ASMT: variants seen among roughly 807,000 people sequenced by gnomAD.
ASMT encodes the protein acetylserotonin O-methyltransferase.
A neutral mutation model predicts 41.3 loss-of-function variants in ASMT; 53 were observed. The ratio of observed to expected loss-of-function variants is 1.28; its 90% CI spans 1.03 to 1.61. The LOEUF (loss-of-function observed/expected upper bound fraction) is 1.61. Ranked by LOEUF, ASMT falls within the 40% of genes most tolerant of loss-of-function variation. The pLI is 0.00. For missense variants in ASMT, 531 were observed against 441.3 expected (o/e 1.20, Z -1.82); for synonymous variants, 231 against 184.8 (o/e 1.25, Z -2.03).
At chrX:1,623,428 C>A in intron 2 of ASMT, 115 bp downstream of exon 2, 1 of 1,349,882 alleles carries the variant, frequency 7.4e-7, no homozygotes, top group Non-Finnish European at 1.0e-6. Context: ...AACCCCGTCT[C>A]TACTAAAAAA....
rs142905563 is a variant in ASMT, at chrX:1,624,374, G to A, written c.350G>A (p.Trp117Ter). 4.2e-5 allele frequency: 68 copies of A among 1,613,736 alleles called. No individual in the cohort carries two copies. In the African/African-American group the frequency reaches 7.5e-4, roughly 18 times the overall value. The change falls in exon 3 of 9, where the codon TGG becomes TAG. Residue 117 changes from tryptophan to a stop codon, truncating the protein, a stop_gained. Coordinates refer to ENST00000381241, the MANE Select transcript of ASMT (RefSeq NM_001171038.2). LOFTEE classifies it high-confidence loss of function. ...KYMGRTSYRC[W>*]GHLADAVREG... ...ATGGGCAGGACCAGCTACCGGTGCT[G>A]GGGCCACCTGGCAGACGCCGTGAGG...
chrX:1,621,639 T>C (rs1400201571), intron 1 of ASMT, among the ~76,000 whole-genome samples: 1 of 151,568 alleles, frequency 6.6e-6, no homozygotes, highest in East Asian at 2.0e-4. Context: ...TTTTTATAGT[T>C]TGTGTATTAT....
chrX:1,616,916 G>A (rs1166196571), intron 1 of ASMT, among the ~76,000 whole-genome samples: 2 of 151,894 alleles, frequency 1.3e-5, no homozygotes, highest in Non-Finnish European at 2.9e-5. Context: ...CACCGTGTTA[G>A]CCAGGATGGT....
chrX:1,625,232 G>A (rs1287938162), intron 3 of ASMT, among the ~76,000 whole-genome samples: 1 of 151,106 alleles, frequency 6.6e-6, no homozygotes, highest in Non-Finnish European at 1.5e-5. Flanking sequence ...AGCCTCCCAA[G>A]TAGCTGGGAC....
intron 1 of ASMT, among the ~76,000 whole-genome samples, chrX:1,622,353 A>T (rs1400413443): frequency 8.4e-5 from 12 of 143,544 alleles, no homozygotes; most frequent in Non-Finnish European, 1.7e-4. Context: ...TGCAGTGGTG[A>T]GATCTCGGCT....
intron 8 of ASMT, among the ~76,000 whole-genome samples, chrX:1,637,072 CCT>C (rs1200027301): frequency 9.7e-6 from 1 of 103,474 alleles, no homozygotes. Context: ...GTGGGCACAG[CCT>C]CTGTGTGTGA....
intron 8 of ASMT, 171 bp downstream of exon 8, chrX:1,636,731 A>G (rs1934980461): frequency 2.2e-6 from 1 of 452,956 alleles, no homozygotes; most frequent in African/African-American, 2.1e-5. Flanking sequence ...CCTAATTTCT[A>G]TTCTATTGAT....
chrX:1,636,672 C>A, intron 8 of ASMT, 112 bp downstream of exon 8: 1 of 1,531,460 alleles, frequency 6.5e-7, no homozygotes, highest in South Asian at 1.1e-5. Context: ...GGTAGACATC[C>A]TGCCCAATAT....
At chrX:1,632,516 G>A (rs1361912793) in intron 5 of ASMT, among the ~76,000 whole-genome samples, 188 bp from the exon 6 acceptor site, 2 of 152,018 alleles carry the variant, frequency 1.3e-5, no homozygotes, top group Admixed American at 6.6e-5. Context: ...TTAGCTGGGC[G>A]TGGTGGCGGG....
intron 5 of ASMT, among the ~76,000 whole-genome samples, chrX:1,631,850 C>T (rs1419415888): frequency 2.0e-5 from 3 of 152,000 alleles, no homozygotes; most frequent in Non-Finnish European, 2.9e-5. Context: ...GAGTTTGAGA[C>T]CAGCCTGACC....
chrX:1,630,173 G>A (rs554629256), intron 5 of ASMT, among the ~76,000 whole-genome samples: 9 of 152,034 alleles, frequency 5.9e-5, no homozygotes, highest in Middle Eastern at 3.4e-3. Flanking sequence ...TTGCTCCATC[G>A]CCCAGGCTGC....
chrX:1,628,114 A>G (rs1300837603), intron 4 of ASMT: 31 of 358,186 alleles, frequency 8.7e-5, no homozygotes, highest in Middle Eastern at 8.5e-4. Context: ...TGAGGTCAGG[A>G]GTTCGAGACC....
At chrX:1,615,399 G>A (rs1490626945) in intron 1 of ASMT, 131 bp downstream of exon 1, 12 of 938,320 alleles carry the variant, frequency 1.3e-5, no homozygotes, top group Non-Finnish European at 1.9e-5. Context: ...CGTGAAAGAC[G>A]TACACCCACG....
intron 7 of ASMT, 153 bp from the exon 8 acceptor site, chrX:1,636,285 C>G (rs1462358335): frequency 2.4e-5 from 27 of 1,142,118 alleles, no homozygotes; most frequent in Non-Finnish European, 3.5e-5. Context: ...TCTCCTAAGC[C>G]TTTTTGTTTT....
chrX:1,634,657 C>CT (rs1208204845), intron 7 of ASMT, among the ~76,000 whole-genome samples: 6 of 150,236 alleles, frequency 4.0e-5, no homozygotes, highest in African/African-American at 1.5e-4. Flanking sequence ...GAGTTAACCC[C>CT]CCCCCTTTTT....
intron 5 of ASMT, among the ~76,000 whole-genome samples, chrX:1,630,232 C>G (rs1439518200): frequency 1.3e-5 from 2 of 151,132 alleles, no homozygotes; most frequent in Admixed American, 1.3e-4. Flanking sequence ...CTCCTGGGTT[C>G]AAGCGATTCT....
chrX:1,637,176 G>C (rs758115265), intron 8 of ASMT, among the ~76,000 whole-genome samples: 2 of 64,624 alleles, frequency 3.1e-5, no homozygotes, highest in South Asian at 6.6e-4. Flanking sequence ...GATGGGGACA[G>C]TGTCCCAGTG....
Position 1,624,300 on chromosome X carries a change from C to T in ASMT, c.276C>T (p.Asp92=). 1 of 1,614,020 alleles carries T rather than the reference C, an allele frequency of 6.2e-7. No individual in the cohort carries two copies. Among genetic ancestry groups the T allele is most frequent in the Non-Finnish European group, 8.5e-7 (1 of 1,179,876 alleles). ...ATCGAAACACAGAGCTGTCCAGCGA[C>T]TACCTGACCACGGTCAGCCCGACGT... ...AFYRNTELSS[D]YLTTVSPTSQ... The change falls in exon 3 of 9, where the codon GAC becomes GAT. Residue 92 remains aspartate (D), a synonymous_variant. Coordinates refer to ENST00000381241, the MANE Select transcript of ASMT (RefSeq NM_001171038.2).
intron 8 of ASMT, among the ~76,000 whole-genome samples, chrX:1,641,486 C>G (rs1935160371): frequency 6.7e-6 from 1 of 149,182 alleles, no homozygotes; most frequent in Non-Finnish European, 1.5e-5. Context: ...GTCCATCCAT[C>G]CTGATGGTTC....
Sources: gnomAD v4.1 joint callset for allele counts (sites outside exome capture counted in the v4.1 genomes callset) on GRCh38, gnomAD v4.1.1 for gene constraint, MANE v1.5 for transcripts, NCBI Gene and HGNC (gene_info 2026-07-23, HGNC 2026-07-21) for gene names.